ADGRL3: variants seen among roughly 807,000 people sequenced by gnomAD.
ADGRL3 encodes the protein adhesion G protein-coupled receptor L3.
ADGRL3 carries 62 observed loss-of-function variants against 153.5 expected under a neutral mutation model. The ratio of observed to expected loss-of-function variants is 0.40; its 90% CI spans 0.33 to 0.50. The LOEUF (loss-of-function observed/expected upper bound fraction) is 0.50, where lower values mean the gene tolerates loss of function less well. Ranked by LOEUF, ADGRL3 falls within the 20% of genes least tolerant of loss-of-function variation. ADGRL3 has a pLI of 0.47. For missense variants in ADGRL3, 1,641 were observed against 1,859.4 expected, an observed-to-expected ratio of 0.88 and a Z score of 2.16; for synonymous variants, 710 against 672.5, an observed-to-expected ratio of 1.06 and a Z score of -0.86.
At chr4:61,855,675 A>G (rs1474188844) in intron 9 of ADGRL3, among the ~76,000 whole-genome samples, 2 of 152,170 alleles carry the variant, frequency 1.3e-5, no homozygotes, top group African/African-American at 4.8e-5. Context: ...ACCTTAAACC[A>G]TTCAAAATAG....
chr4:61,627,841 A>G (rs2092925062), intron 5 of ADGRL3, among the ~76,000 whole-genome samples: 1 of 152,170 alleles, frequency 6.6e-6, no homozygotes, highest in South Asian at 2.1e-4. Context: ...CTTTAAAAAA[A>G]TATGAACACA....
intron 25 of ADGRL3, among the ~76,000 whole-genome samples, chr4:62,062,683 G>C (rs891701686): frequency 6.6e-6 from 1 of 151,896 alleles, no homozygotes; most frequent in Admixed American, 6.6e-5. Context: ...TAGAAACTAA[G>C]AACAAAAAGT....
At chr4:61,432,116 C>A (rs1326505600) in intron 2 of ADGRL3, among the ~76,000 whole-genome samples, 1 of 152,192 alleles carries the variant, frequency 6.6e-6, no homozygotes, top group Non-Finnish European at 1.5e-5. Context: ...TTTCTTGATA[C>A]TGACTCATTT....
intron 3 of ADGRL3, among the ~76,000 whole-genome samples, chr4:61,502,484 G>GTT (rs3075117): frequency 4.2e-5 from 6 of 144,312 alleles, no homozygotes; most frequent in Non-Finnish European, 6.1e-5. Context: ...GCTTATACAT[G>GTT]TTTTTTTTTT....
At chr4:61,817,212 A>T (rs2148666429) in intron 9 of ADGRL3, among the ~76,000 whole-genome samples, 1 of 142,784 alleles carries the variant, frequency 7.0e-6, no homozygotes, top group South Asian at 2.5e-4. Context: ...TGAAGGCAGG[A>T]GGCAGACAGG....
chr4:61,410,229 A>T (rs1311635218), intron 2 of ADGRL3, among the ~76,000 whole-genome samples: 1 of 152,172 alleles, frequency 6.6e-6, no homozygotes, highest in African/African-American at 2.4e-5. Context: ...GAGATGAGCT[A>T]GATACAACAG....
intron 6 of ADGRL3, among the ~76,000 whole-genome samples, chr4:61,695,345 A>G (rs1472972329): frequency 5.3e-5 from 8 of 152,228 alleles, no homozygotes; most frequent in Non-Finnish European, 5.9e-5. Flanking sequence ...TGAAAACAAC[A>G]TTAATGTCCT....
At chr4:62,006,713 A>T (rs1193049472) in intron 21 of ADGRL3, among the ~76,000 whole-genome samples, 1 of 151,684 alleles carries the variant, frequency 6.6e-6, no homozygotes, top group African/African-American at 2.4e-5. Context: ...TTATATATTT[A>T]CTTTTAAAAC....
At chr4:61,726,210 G>GTTTTTTTTTTTTGTTTGTTTTTT (rs149472429) in intron 6 of ADGRL3, among the ~76,000 whole-genome samples, 3 of 118,480 alleles carry the variant, frequency 2.5e-5, no homozygotes, top group African/African-American at 6.3e-5. Context: ...TTTTTTTTTT[G>GTTTTTTTTTTTTGTTTGTTTTTT]TTTTTTGAGA....
chr4:61,209,729 A>G (rs868191969), intron 1 of ADGRL3, among the ~76,000 whole-genome samples: 33 of 152,150 alleles, frequency 2.2e-4, no homozygotes, highest in African/African-American at 7.0e-4. Flanking sequence ...TATTTTTGAC[A>G]TCCACCAAAT....
intron 8 of ADGRL3, among the ~76,000 whole-genome samples, chr4:61,760,484 GC>G (rs1220067951): frequency 6.6e-6 from 1 of 152,184 alleles, no homozygotes. Flanking sequence ...CTCCTGGTGT[GC>G]CATTTGCTAA....
intron 1 of ADGRL3, among the ~76,000 whole-genome samples, chr4:61,214,777 A>T (rs1741852117): frequency 2.0e-5 from 3 of 152,156 alleles, no homozygotes; most frequent in African/African-American, 7.2e-5. Context: ...CTCTATAAAA[A>T]TAATTAAAAA....
At chr4:61,701,066 G>A (rs1321944435) in intron 6 of ADGRL3, among the ~76,000 whole-genome samples, 1 of 152,094 alleles carries the variant, frequency 6.6e-6, no homozygotes, top group Non-Finnish European at 1.5e-5. Context: ...TTTGTATGAG[G>A]TACAATTGAA....
At chr4:61,271,322 C>A (rs1330449241) in intron 1 of ADGRL3, among the ~76,000 whole-genome samples, 1 of 151,880 alleles carries the variant, frequency 6.6e-6, no homozygotes, top group African/African-American at 2.4e-5. Context: ...TGAGGTTATG[C>A]ATTATAGCAT....
At chr4:61,653,851 C>G (rs1471388643) in intron 5 of ADGRL3, among the ~76,000 whole-genome samples, 2 of 152,144 alleles carry the variant, frequency 1.3e-5, no homozygotes, top group Admixed American at 6.5e-5. Flanking sequence ...GGGTCACATA[C>G]CTGCGCAGAT....
At chr4:61,287,772 C>T (rs1189228351) in intron 1 of ADGRL3, among the ~76,000 whole-genome samples, 1 of 151,784 alleles carries the variant, frequency 6.6e-6, no homozygotes, top group Non-Finnish European at 1.5e-5. Flanking sequence ...GTACTAATTG[C>T]CCTAACTCAA....
At chr4:61,832,195 C>T (rs2097879592) in intron 9 of ADGRL3, among the ~76,000 whole-genome samples, 1 of 151,992 alleles carries the variant, frequency 6.6e-6, no homozygotes, top group Non-Finnish European at 1.5e-5. Flanking sequence ...GCAGTTTAGG[C>T]TTTAATACTC....
intron 9 of ADGRL3, among the ~76,000 whole-genome samples, chr4:61,884,999 G>A (rs569615614): frequency 5.3e-5 from 8 of 151,662 alleles, no homozygotes; most frequent in Middle Eastern, 3.4e-3. Flanking sequence ...CAGCCTGGCC[G>A]GGCACTGTGG....
At position 61,951,661 on chromosome 4, in the gene ADGRL3, T is replaced by A. The variant is rs188420531; in HGVS notation, c.2805+3385T>A. ...TGGGTGGATCACTTGAGGTCAGGAGTTTGAGACCAGCCTCGGCAACATGGC... is the reference window on the plus strand; with the variant it reads ...TGGGTGGATCACTTGAGGTCAGGAGATTGAGACCAGCCTCGGCAACATGGC... On this transcript the variant is annotated intron_variant, in intron 17 of 26. Transcript: ENST00000683033. 1.5e-4 allele frequency among the ~76,000 whole-genome samples: 23 copies of A among 151,882 alleles called. 1 individual carries two copies. The East Asian group carries it at 4.5e-3, about 29-fold the overall frequency.
Sources: allele counts gnomAD v4.1 joint callset (sites outside exome capture counted in the v4.1 genomes callset), GRCh38; gene constraint gnomAD v4.1.1; transcripts MANE v1.5; gene names NCBI Gene and HGNC (gene_info 2026-07-23, HGNC 2026-07-21).